The following MBD3 variants were observed in gnomAD, a reference collection of about 807,000 sequenced individuals.
The protein encoded by MBD3 is methyl-CpG-binding domain protein 3.
Under a neutral mutation model 31.2 loss-of-function variants are expected in MBD3, and 13 were observed. That is an observed-to-expected ratio of 0.42 (90% CI 0.27 to 0.66). The LOEUF (loss-of-function observed/expected upper bound fraction) is 0.66, where lower values mean the gene tolerates loss of function less well. Ranked by LOEUF, MBD3 falls within the 30% of genes least tolerant of loss-of-function variation. MBD3 has a pLI of 0.26. For synonymous variants in MBD3, 223 were observed against 187.4 expected (o/e 1.19, Z -1.55); for missense variants, 440 against 426.5 (o/e 1.03, Z -0.28).
chr19:1,584,834 G>A, intron 2 of MBD3, 157 bp from the exon 3 acceptor site: 2 of 972,532 alleles, frequency 2.1e-6, no homozygotes, highest in South Asian at 1.8e-5. Flanking sequence ...GCTCCCGCAG[G>A]GTCGGTCCGG....
intron 3 of MBD3, among the ~76,000 whole-genome samples, chr19:1,583,979 G>A (rs946523794): frequency 1.3e-5 from 2 of 151,898 alleles, no homozygotes; most frequent in South Asian, 4.2e-4. Context: ...ACACCACCAC[G>A]CCCAGCTAAT....
intron 3 of MBD3, among the ~76,000 whole-genome samples, chr19:1,583,669 G>A (rs2060663963): frequency 1.3e-5 from 2 of 151,976 alleles, no homozygotes; most frequent in African/African-American, 4.8e-5. Context: ...ACCAGCCTGG[G>A]CAACATACAG....
In MBD3 at chr19:1,578,012, G is replaced by C. The variant is rs890240179; in HGVS notation, c.*152C>G. ...GTGTGCCCCGAGGCCCCGGGAAGTG[G>C]GGACGGGCCGAGGAGGGAGCCAGGA... On this transcript the variant is annotated 3_prime_UTR_variant, in exon 7 of 7. Coordinates refer to ENST00000434436, the MANE Select transcript of MBD3 (RefSeq NM_001281453.2). This position sits in a 1 kb window ranked among gnomAD's most constrained non-coding sequence, Gnocchi z 6.1. The C allele has an allele frequency of 2.8e-5, 13 of 464,962 alleles. No individual in the cohort carries two copies. The highest frequency in any genetic ancestry group is 1.2e-3 in the Middle Eastern group (2 of 1,662). The allele number at this position is 464,962 out of a possible 1,614,324, so 28.8% of individuals were successfully genotyped here. A position where few individuals can be genotyped will look rare whatever the true frequency, so the allele number is the denominator to read the frequency against.
chr19:1,575,197 G>C lies in MBD3; in HGVS notation c.*2967C>G, dbSNP rs887090362. The C allele has an allele frequency of 1.4e-5, 6 of 434,082 alleles. No individual in the cohort carries two copies. Among genetic ancestry groups the C allele is most frequent in the Non-Finnish European group, 2.8e-5 (6 of 212,896 alleles). The allele number at this position is 434,082 out of a possible 1,614,324, so 26.9% of individuals were successfully genotyped here. On this transcript the variant is annotated 3_prime_UTR_variant, in exon 7 of 7. Coordinates refer to ENST00000434436, the MANE Select transcript of MBD3 (RefSeq NM_001281453.2). ...GTAATCCCGGCAATTTGGGAAGCTGGGGCGGGCGGATCACCTGAGGTTAGG... is the reference window on the plus strand; with the variant it reads ...GTAATCCCGGCAATTTGGGAAGCTGCGGCGGGCGGATCACCTGAGGTTAGG...
intron 4 of MBD3, among the ~76,000 whole-genome samples, chr19:1,582,322 T>C (rs2060656344): frequency 6.6e-6 from 1 of 152,058 alleles, no homozygotes; most frequent in African/African-American, 2.4e-5. Flanking sequence ...TTATTTAGGA[T>C]CTCCATGGCA....
intron 1 of MBD3, among the ~76,000 whole-genome samples, chr19:1,589,835 CAATGAATAAATG>C (rs2060695762): frequency 6.7e-6 from 1 of 150,294 alleles, no homozygotes; most frequent in African/African-American, 2.5e-5. Context: ...CCCTGTCTCA[CAATGAATAAATG>C]AATGAATGAA....
In MBD3 at chr19:1,585,211, C is replaced by G; in HGVS notation, c.114G>C (p.Pro38=). 6.3e-7 allele frequency: 1 copy of G among 1,592,342 alleles called. No homozygotes were observed. Among genetic ancestry groups the G allele is most frequent in the Non-Finnish European group, 8.5e-7 (1 of 1,175,194 alleles). Residue 38 remains proline (P), a synonymous_variant, in exon 2 of 7, where the codon CCG becomes CCC. Coordinates refer to ENST00000434436, the MANE Select transcript of MBD3 (RefSeq NM_001281453.2). This position sits in a 1 kb window ranked among gnomAD's most constrained non-coding sequence, Gnocchi z 4.1. ...AGHRDVFYYS[P]SGKKFRSKPQ... ...GCTTGCTGCGGAACTTCTTCCCGCT[C>G]GGGCTGCGGGGAGGCGGGACGGTCG...
In MBD3 at chr19:1,577,862, G is replaced by C. The variant is rs1338725911; in HGVS notation, c.*302C>G. On this transcript the variant is annotated 3_prime_UTR_variant, in exon 7 of 7. Transcript: ENST00000434436. ...GAGCTGGGACAGCGGGCATGGGGAG[G>C]AGCTGGCCTCGAGCCCAAAGGTCGT... 5.5e-6 allele frequency: 1 copy of C among 180,580 alleles called. No homozygotes were observed. The highest frequency in any genetic ancestry group is 2.4e-5 in the African/African-American group (1 of 42,006). 11.2% of individuals were successfully genotyped at this position (180,580 alleles called of 1,614,324 possible).
chr19:1,583,693 A>G (rs2060664081), intron 3 of MBD3, among the ~76,000 whole-genome samples: 1 of 152,212 alleles, frequency 6.6e-6, no homozygotes, highest in East Asian at 1.9e-4. Context: ...CCCTGTCTCG[A>G]AAGTGAAAAA....
chr19:1,582,495 T>C (rs1252234801), intron 4 of MBD3, 127 bp downstream of exon 4: 1 of 862,840 alleles, frequency 1.2e-6, no homozygotes, highest in Non-Finnish European at 1.9e-6. Flanking sequence ...CCCCAGTCGC[T>C]GGCAGATTTG....
Position 1,592,651 on chromosome 19 carries a change from C to T in MBD3, c.-20G>A, listed in dbSNP as rs1354493035. Reference sequence around the variant, plus strand: ...CTCCATTGCGCCCGGCTCCTCGGCCCGCCGCCGGGCCCGCCGCCGCCGCCC... The same window carrying T: ...CTCCATTGCGCCCGGCTCCTCGGCCTGCCGCCGGGCCCGCCGCCGCCGCCC... On this transcript the variant is annotated 5_prime_UTR_variant, in exon 1 of 7. Transcript: ENST00000434436. 5.3e-6 allele frequency: 6 copies of T among 1,133,694 alleles called. No individual in the cohort carries two copies. The Admixed American group carries it at 1.3e-4, about 24-fold the overall frequency. 70.2% of individuals were successfully genotyped at this position (1,133,694 alleles called of 1,614,324 possible).
Position 1,574,989 on chromosome 19 carries a change from G to A in MBD3, c.*3175C>T, listed in dbSNP as rs1358821422. On this transcript the variant is annotated 3_prime_UTR_variant, in exon 7 of 7. Transcript: ENST00000434436. Reference sequence around the variant, plus strand: ...GTTGCTGAGACTCGGGAGCCCTGTGGTCCGTGTGGCTGGGCCGAGGGCTGG... The same window carrying A: ...GTTGCTGAGACTCGGGAGCCCTGTGATCCGTGTGGCTGGGCCGAGGGCTGG... The A allele has an allele frequency of 8.5e-6, 3 of 351,686 alleles. No homozygotes were observed. Among genetic ancestry groups the A allele is most frequent in the Middle Eastern group, 3.9e-4 (1 of 2,580 alleles). The allele number at this position is 351,686 out of a possible 1,614,324, so 21.8% of individuals were successfully genotyped here. A position where few individuals can be genotyped will look rare whatever the true frequency, so the allele number is the denominator to read the frequency against.
chr19:1,576,844 T>G lies in MBD3; in HGVS notation c.*1320A>C, dbSNP rs1917205250. The G allele has an allele frequency of 6.6e-6, 1 of 152,364 alleles. No homozygotes were observed. Among genetic ancestry groups the G allele is most frequent in the African/African-American group, 2.4e-5 (1 of 41,484 alleles). The allele number at this position is 152,364 out of a possible 1,614,324, so 9.4% of individuals were successfully genotyped here. Reference sequence around the variant, plus strand: ...CACCTGGAGCTTCCCTCGGCTGCCCTGGCCCTTGAGCCCGTCCTGAGGATT... The same window carrying G: ...CACCTGGAGCTTCCCTCGGCTGCCCGGGCCCTTGAGCCCGTCCTGAGGATT... On this transcript the variant is annotated 3_prime_UTR_variant, in exon 7 of 7. Coordinates refer to ENST00000434436, the MANE Select transcript of MBD3 (RefSeq NM_001281453.2).
At chr19:1,584,730 G>A in intron 2 of MBD3, 53 bp from the exon 3 acceptor site, 1 of 1,576,934 alleles carries the variant, frequency 6.3e-7, no homozygotes, top group Non-Finnish European at 8.6e-7. Context: ...GCGGCGCGGA[G>A]CCTCAGGGGG....
intron 1 of MBD3, among the ~76,000 whole-genome samples, chr19:1,590,104 T>G (rs929366698): frequency 6.6e-6 from 1 of 151,206 alleles, no homozygotes; most frequent in African/African-American, 2.4e-5. Context: ...TCGAGACCAG[T>G]CTGGCCAACA....
chr19:1,587,642 C>T (rs554812819), intron 1 of MBD3, among the ~76,000 whole-genome samples: 11 of 152,164 alleles, frequency 7.2e-5, no homozygotes, highest in East Asian at 1.9e-4. Flanking sequence ...CTCCAACTTA[C>T]GATCTCAAGA....
Position 1,585,378 on chromosome 19 carries a change from GCCCCAGACCCCAACCCTGGCGTGA to G in MBD3, c.111-188_111-165del, listed in dbSNP as rs2060674553. ...CAAACCCAGGCAGGCCCTGGCCCCAGCCCCAGACCCCAACCCTGGCGTGACCCCAGACCTTCATCCCAGACCCCA... is the reference window on the plus strand; with the variant it reads ...CAAACCCAGGCAGGCCCTGGCCCCAGCCCCAGACCTTCATCCCAGACCCCA... On this transcript the variant is annotated intron_variant, in intron 1 of 6. Coordinates refer to ENST00000434436, the MANE Select transcript of MBD3 (RefSeq NM_001281453.2). This position sits in a 1 kb window ranked among gnomAD's most constrained non-coding sequence, Gnocchi z 4.1. 2 of 705,662 alleles carry G rather than the reference GCCCCAGACCCCAACCCTGGCGTGA, an allele frequency of 2.8e-6. No individual in the cohort carries two copies. Among genetic ancestry groups the G allele is most frequent in the South Asian group, 1.8e-5 (1 of 54,440 alleles). The allele number at this position is 705,662 out of a possible 1,614,324, so 43.7% of individuals were successfully genotyped here. A position where few individuals can be genotyped will look rare whatever the true frequency, so the allele number is the denominator to read the frequency against.
chr19:1,589,214 C>A (rs556521465), intron 1 of MBD3, among the ~76,000 whole-genome samples: 2 of 151,488 alleles, frequency 1.3e-5, no homozygotes, highest in African/African-American at 4.9e-5. Context: ...GCCTGTAATC[C>A]CAGCTAGCTG....
rs572013627 is a variant in MBD3, at chr19:1,575,232, C to G, written c.*2932G>C. The G allele has an allele frequency of 4.7e-6, 2 of 428,242 alleles. No individual in the cohort carries two copies. The highest frequency in any genetic ancestry group is 7.4e-5 in the East Asian group (1 of 13,562). The allele number at this position is 428,242 out of a possible 1,614,324, so 26.5% of individuals were successfully genotyped here. A position where few individuals can be genotyped will look rare whatever the true frequency, so the allele number is the denominator to read the frequency against. On this transcript the variant is annotated 3_prime_UTR_variant, in exon 7 of 7. Coordinates refer to ENST00000434436, the MANE Select transcript of MBD3 (RefSeq NM_001281453.2). ...ATCACCTGAGGTTAGGAGTTCCAGACCAGACTGGCCAACATGGTGAAACCC... is the reference window on the plus strand; with the variant it reads ...ATCACCTGAGGTTAGGAGTTCCAGAGCAGACTGGCCAACATGGTGAAACCC...
Sources: allele counts gnomAD v4.1 joint callset (sites outside exome capture counted in the v4.1 genomes callset), GRCh38; gene constraint gnomAD v4.1.1; non-coding constraint Gnocchi (gnomAD v3.1); transcripts MANE v1.5; gene names NCBI Gene and HGNC (gene_info 2026-07-23, HGNC 2026-07-21).